The following ADAMTSL1 variants were observed in gnomAD, a reference collection of about 807,000 sequenced individuals.
ADAMTSL1 encodes the protein ADAMTS-like protein 1.
In ADAMTSL1, 126 loss-of-function variants were observed where a neutral mutation model predicts 201.8. That is an observed-to-expected ratio of 0.62 (90% confidence interval 0.54 to 0.72). ADAMTSL1 has a LOEUF of 0.72. Among genes scored for constraint, ADAMTSL1 ranks in the 30% least tolerant of loss-of-function variants. The pLI is 0.00. For missense variants in ADAMTSL1, 2,679 were observed against 2,277.8 expected (o/e 1.18, Z -3.59); for synonymous variants, 1,121 against 903.4 (o/e 1.24, Z -4.32).
intron 2 of ADAMTSL1, among the ~76,000 whole-genome samples, chr9:18,307,935 A>G (rs997263643): frequency 6.6e-6 from 1 of 152,164 alleles, no homozygotes; most frequent in African/African-American, 2.4e-5. Flanking sequence ...AATTGACCAC[A>G]TAATTGGAAG....
intron 1 of ADAMTSL1, among the ~76,000 whole-genome samples, chr9:18,031,211 A>G (rs923580636): frequency 1.3e-5 from 2 of 152,168 alleles, no homozygotes; most frequent in African/African-American, 4.8e-5. Context: ...AGGTGAAAAA[A>G]CACTCTGAAT....
rs576966940 is a variant in ADAMTSL1, at chr9:18,635,359, T to A, written c.602-584T>A. Reference sequence around the variant, plus strand: ...GGTTCAGTCAATTTCTAAAAAAAAATTTTAAAATAGAGTATAGTGTAGAGA... The same window carrying A: ...GGTTCAGTCAATTTCTAAAAAAAAAATTTAAAATAGAGTATAGTGTAGAGA... On this transcript the variant is annotated intron_variant, in intron 5 of 28. Coordinates refer to ENST00000380548, the MANE Select transcript of ADAMTSL1 (RefSeq NM_001040272.6). Among the ~76,000 whole-genome samples, 138 of 152,158 alleles carry A rather than the reference T, an allele frequency of 9.1e-4. 5 individuals carry two copies. In the South Asian group the frequency reaches 0.028, roughly 31 times the overall value.
chr9:18,597,144 C>T (rs2132513988), intron 4 of ADAMTSL1, among the ~76,000 whole-genome samples: 1 of 152,278 alleles, frequency 6.6e-6, no homozygotes, highest in South Asian at 2.1e-4. Context: ...TCTCTGTTGG[C>T]TATTTTTGTC....
intron 1 of ADAMTSL1, among the ~76,000 whole-genome samples, chr9:18,051,906 T>C (rs544730094): frequency 2.4e-4 from 37 of 152,370 alleles, no homozygotes; most frequent in Middle Eastern, 3.4e-3. Flanking sequence ...GCTCTGTTTC[T>C]TTGGTTAGAA....
intron 4 of ADAMTSL1, among the ~76,000 whole-genome samples, chr9:18,592,180 C>CT (rs906506307): frequency 4.0e-5 from 6 of 151,038 alleles, no homozygotes; most frequent in Admixed American, 1.3e-4. Flanking sequence ...TGAGCATGAC[C>CT]TTTTTTTTTG....
At chr9:18,479,153 C>T (rs77239593) in intron 1 of ADAMTSL1, among the ~76,000 whole-genome samples, 2,866 of 152,258 alleles carry the variant, frequency 0.019, 99 homozygotes, top group African/African-American at 0.065. Context: ...CCCCAATTCC[C>T]GAACTTCAAG....
chr9:18,622,422 G>A, intron 5 of ADAMTSL1, 53 bp downstream of exon 5: 1 of 1,613,086 alleles, frequency 6.2e-7, no homozygotes, highest in Non-Finnish European at 8.5e-7. Context: ...ATCCTCTCCT[G>A]GCTTAGGTCT....
chr9:18,736,452 C>G (rs111333283), intron 15 of ADAMTSL1, among the ~76,000 whole-genome samples: 157 of 152,330 alleles, frequency 1.0e-3, no homozygotes, highest in African/African-American at 3.5e-3. Context: ...GGCACTTTAT[C>G]TTTAACTTAA....
chr9:18,525,557 C>G (rs1818984122), intron 2 of ADAMTSL1, among the ~76,000 whole-genome samples: 1 of 152,178 alleles, frequency 6.6e-6, no homozygotes, highest in South Asian at 2.1e-4. Context: ...TTAGATCTTT[C>G]TTGCTTTCTC....
At chr9:18,887,735 G>A (rs992258494) in intron 23 of ADAMTSL1, 96 bp from the exon 24 acceptor site, 1 of 1,128,198 alleles carries the variant, frequency 8.9e-7, no homozygotes, top group Admixed American at 2.0e-5. Flanking sequence ...CACATTGTGT[G>A]TACAATTTCT....
At chr9:18,793,967 G>T (rs1822207598) in intron 19 of ADAMTSL1, among the ~76,000 whole-genome samples, 1 of 152,012 alleles carries the variant, frequency 6.6e-6, no homozygotes, top group African/African-American at 2.4e-5. Flanking sequence ...GACTTGGGTG[G>T]AGTGGGTTTG....
At chr9:18,840,796 C>G (rs1314424907) in intron 23 of ADAMTSL1, among the ~76,000 whole-genome samples, 2 of 149,008 alleles carry the variant, frequency 1.3e-5, no homozygotes, top group Admixed American at 6.7e-5. Flanking sequence ...CTCTTTGAAG[C>G]AATTGTGAAT....
At chr9:18,004,216 G>C (rs566404488) in intron 1 of ADAMTSL1, among the ~76,000 whole-genome samples, 10 of 152,088 alleles carry the variant, frequency 6.6e-5, no homozygotes, top group South Asian at 6.2e-4. Context: ...AAAGGATATG[G>C]AGGGAAGAAA....
chr9:18,469,766 G>A (rs1255626959), upstream of ADAMTSL1, among the ~76,000 whole-genome samples: 8 of 152,212 alleles, frequency 5.3e-5, no homozygotes, highest in African/African-American at 1.7e-4. Flanking sequence ...TTTACAAGCA[G>A]ACAGAGCAAA....
intron 13 of ADAMTSL1, among the ~76,000 whole-genome samples, chr9:18,694,581 C>A (rs2133263079): frequency 6.6e-6 from 1 of 152,276 alleles, no homozygotes; most frequent in East Asian, 1.9e-4. Context: ...TCTTAAAGCT[C>A]CAAAATGATC....
chr9:18,505,906 C>T (rs1183145115), intron 2 of ADAMTSL1, among the ~76,000 whole-genome samples: 1 of 152,162 alleles, frequency 6.6e-6, no homozygotes, highest in Non-Finnish European at 1.5e-5. Flanking sequence ...AGCGTCTGAG[C>T]CTTATTCCTT....
intron 16 of ADAMTSL1, among the ~76,000 whole-genome samples, chr9:18,754,897 G>C (rs955298153): frequency 1.3e-5 from 2 of 152,114 alleles, no homozygotes; most frequent in African/African-American, 4.8e-5. Context: ...ATGTACCAGC[G>C]CTTAAGAAAT....
chr9:18,530,852 A>G (rs1036515499), intron 2 of ADAMTSL1, among the ~76,000 whole-genome samples: 1 of 152,164 alleles, frequency 6.6e-6, no homozygotes, highest in Non-Finnish European at 1.5e-5. Context: ...AGCAGAGCCT[A>G]TTTTTAAACT....
At chr9:18,629,416 C>T (rs1377269006) in intron 5 of ADAMTSL1, among the ~76,000 whole-genome samples, 2 of 152,056 alleles carry the variant, frequency 1.3e-5, no homozygotes, top group African/African-American at 4.8e-5. Context: ...TGAGGAAGTT[C>T]CCTTCCTTTC....
Sources: gnomAD v4.1 joint callset for allele counts (sites outside exome capture counted in the v4.1 genomes callset) on GRCh38, gnomAD v4.1.1 for gene constraint, MANE v1.5 for transcripts, NCBI Gene and HGNC (gene_info 2026-07-23, HGNC 2026-07-21) for gene names.